The following KIAA0513 variants were observed in gnomAD, a reference collection of about 807,000 sequenced individuals.
KIAA0513 encodes uncharacterized protein KIAA0513.
A neutral mutation model predicts 56.5 loss-of-function variants in KIAA0513; 39 were observed. The observed-to-expected ratio is 0.69, with a 90% CI of 0.53 to 0.90. The LOEUF is 0.90. KIAA0513 is among the 40% of genes least tolerant of loss of function. The pLI is 0.00. For synonymous variants in KIAA0513, 268 were observed against 215.6 expected, an observed-to-expected ratio of 1.24 and a Z score of -2.13; for missense variants, 591 against 535.2, an observed-to-expected ratio of 1.10 and a Z score of -1.03.
Position 85,081,963 on chromosome 16 carries a change from C to T in KIAA0513, c.980+571C>T, listed in dbSNP as rs930987472. On this transcript the variant is annotated intron_variant, in intron 9 of 12. Transcript: ENST00000683363. The surrounding 1 kb of genome is among the most constrained non-coding windows in gnomAD (Gnocchi z 4.4). ...CAAAGCTGCCGTCCACCATGTGCAG[C>T]GACATGACAGCGAGGGACGGCAGCC... 6.6e-6 allele frequency among the ~76,000 whole-genome samples: 1 copy of T among 152,264 alleles called. No homozygotes were observed. The highest frequency in any genetic ancestry group is 2.4e-5 in the African/African-American group (1 of 41,474).
At position 85,071,663 on chromosome 16, in the gene KIAA0513, G is replaced by C. The variant is rs1486336642; in HGVS notation, c.330-120G>C. 4 of 761,920 alleles carry C rather than the reference G, an allele frequency of 5.2e-6. No individual in the cohort carries two copies. The East Asian group carries it at 8.1e-5, about 15-fold the overall frequency. The allele number at this position is 761,920 out of a possible 1,614,324, so 47.2% of individuals were successfully genotyped here. On this transcript the variant is annotated intron_variant, in intron 2 of 12. Transcript: ENST00000683363. ...GGCTGAGATGAGCTGATGGGAGTTG[G>C]GGTCTGTGCTTGGCTGGGGAATATT... is the stretch of plus-strand genomic sequence containing the variant.
At chr16:85,046,096 A>G (rs2073167210) in intron 1 of KIAA0513, among the ~76,000 whole-genome samples, 1 of 152,116 alleles carries the variant, frequency 6.6e-6, no homozygotes, top group Admixed American at 6.5e-5. Flanking sequence ...ACATTGAGGG[A>G]GCTGCTTCGG....
chr16:85,084,857 C>A (rs899070249), intron 10 of KIAA0513, among the ~76,000 whole-genome samples: 1 of 152,208 alleles, frequency 6.6e-6, no homozygotes, highest in Non-Finnish European at 1.5e-5. Flanking sequence ...GCCACCGCAC[C>A]CGGCCTGAAC....
rs2073758794 is a variant in KIAA0513 at position 85,082,579 on chromosome 16, G to T, written c.996G>T (p.Glu332Asp). ...RSPTTRGDAGEEEEKREKWCH... is the reference protein window; with the variant it reads ...RSPTTRGDAGDEEEKREKWCH... ...GCCGCTCCAGAGGGGATGCTGGAGA[G>T]GAGGAGGAGAAGAGGTGTGTGTGTC... The change falls in exon 10 of 13, where the codon GAG becomes GAT. Residue 332 changes from glutamate to aspartate, a missense_variant. Transcript: ENST00000683363. 1 of 1,613,412 alleles carries T rather than the reference G, an allele frequency of 6.2e-7. No homozygotes were observed. The highest frequency in any genetic ancestry group is 8.5e-7 in the Non-Finnish European group (1 of 1,179,508).
chr16:85,082,800 G>C (rs1347317973), intron 10 of KIAA0513, among the ~76,000 whole-genome samples: 2 of 152,232 alleles, frequency 1.3e-5, no homozygotes, highest in Admixed American at 1.3e-4. Context: ...AACTGGGCAG[G>C]TGGGAGCCTG....
chr16:85,075,410 G>A (rs961827827), intron 4 of KIAA0513, among the ~76,000 whole-genome samples: 14 of 152,152 alleles, frequency 9.2e-5, no homozygotes, highest in Admixed American at 8.5e-4. Context: ...ACCCCACTGC[G>A]AATGCTGTGG....
In KIAA0513 at chr16:85,089,053, T is replaced by A. The variant is rs574841309; in HGVS notation, c.*728T>A. The A allele has an allele frequency of 1.3e-5, 2 of 152,200 alleles. No individual in the cohort carries two copies. The highest frequency in any genetic ancestry group is 4.2e-4 in the South Asian group (2 of 4,814). The allele number at this position is 152,200 out of a possible 1,614,324, so 9.4% of individuals were successfully genotyped here. A position where few individuals can be genotyped will look rare whatever the true frequency, so the allele number is the denominator to read the frequency against. ...CCAGAGTCACAGCAGTGCCGAGGTG[T>A]CCGCGGCAGACCACACAGACCGTCT... is the stretch of plus-strand genomic sequence containing the variant. On this transcript the variant is annotated 3_prime_UTR_variant, in exon 13 of 13. Coordinates refer to ENST00000683363, the MANE Select transcript of KIAA0513 (RefSeq NM_001388359.1). The surrounding 1 kb of genome is among the most constrained non-coding windows in gnomAD (Gnocchi z 4.2).
At chr16:85,061,078 G>C (rs1473286858) in intron 1 of KIAA0513, among the ~76,000 whole-genome samples, 2 of 151,702 alleles carry the variant, frequency 1.3e-5, no homozygotes, top group Non-Finnish European at 2.9e-5. Flanking sequence ...GCTTGAACCC[G>C]GGAGGCGGAG....
chr16:85,049,061 G>C (rs1597602566), intron 1 of KIAA0513, among the ~76,000 whole-genome samples: 1 of 152,264 alleles, frequency 6.6e-6, no homozygotes, highest in African/African-American at 2.4e-5. Context: ...CTGTGAGGTT[G>C]CTTTGCACGG....
intron 1 of KIAA0513, among the ~76,000 whole-genome samples, chr16:85,050,916 G>C (rs1486924906): frequency 6.6e-6 from 1 of 152,146 alleles, no homozygotes; most frequent in Non-Finnish European, 1.5e-5. Context: ...AGCACTTCAG[G>C]GAGCCAAGGC....
In KIAA0513 at chr16:85,081,433, G is replaced by A; in HGVS notation, c.980+41G>A. ...GGCCCCATTTGGCCTCAGGAAAAAG[G>A]ACCAGGGAGTGGCTTTATTTCCCGG... On this transcript the variant is annotated intron_variant, in intron 9 of 12. Coordinates refer to ENST00000683363, the MANE Select transcript of KIAA0513 (RefSeq NM_001388359.1). The surrounding 1 kb of genome is among the most constrained non-coding windows in gnomAD (Gnocchi z 4.4). 1 of 1,502,598 alleles carries A rather than the reference G, an allele frequency of 6.7e-7. No homozygotes were observed. Among genetic ancestry groups the A allele is most frequent in the Non-Finnish European group, 9.1e-7 (1 of 1,102,136 alleles). 93.1% of individuals were successfully genotyped at this position (1,502,598 alleles called of 1,614,324 possible).
At chr16:85,072,176 G>T (rs1045347557) in intron 3 of KIAA0513, among the ~76,000 whole-genome samples, 2 of 152,118 alleles carry the variant, frequency 1.3e-5, no homozygotes, top group Non-Finnish European at 2.9e-5. Context: ...AACATAGTGA[G>T]GTCCCCCCTC....
Position 85,078,778 on chromosome 16 carries a change from G to T in KIAA0513, c.824-147G>T, listed in dbSNP as rs1203631364. On this transcript the variant is annotated intron_variant, in intron 7 of 12. Coordinates refer to ENST00000683363, the MANE Select transcript of KIAA0513 (RefSeq NM_001388359.1). ...GGGAATAGCACCGTTACTGGCTATG[G>T]CTAGCAGAAAAGCCACGGTGGGGTT... is the stretch of plus-strand genomic sequence containing the variant. The T allele has an allele frequency of 1.4e-5, 12 of 838,192 alleles. No homozygotes were observed. The African/African-American group carries it at 1.8e-4, about 13-fold the overall frequency. The allele number at this position is 838,192 out of a possible 1,614,324, so 51.9% of individuals were successfully genotyped here.
At chr16:85,053,165 A>G (rs1181599798) in intron 1 of KIAA0513, among the ~76,000 whole-genome samples, 1 of 152,232 alleles carries the variant, frequency 6.6e-6, no homozygotes, top group Admixed American at 6.5e-5. Flanking sequence ...CTGGGATTAC[A>G]GGCGTGAGCC....
At chr16:85,048,369 C>G (rs1029059466) in intron 1 of KIAA0513, among the ~76,000 whole-genome samples, 4 of 152,170 alleles carry the variant, frequency 2.6e-5, no homozygotes, top group Non-Finnish European at 4.4e-5. Flanking sequence ...TTCTAAGAGT[C>G]AAGAGTCTTT....
In KIAA0513 at chr16:85,076,110, G is replaced by C. The variant is rs558043879; in HGVS notation, c.574+196G>C. ...ATGGGGCAGGAGGTTGACTGCCCAGGGTACGAAGGAAACTCTCCTGGGGCA... is the reference window on the plus strand; with the variant it reads ...ATGGGGCAGGAGGTTGACTGCCCAGCGTACGAAGGAAACTCTCCTGGGGCA... On this transcript the variant is annotated intron_variant, in intron 5 of 12. Coordinates refer to ENST00000683363, the MANE Select transcript of KIAA0513 (RefSeq NM_001388359.1). The surrounding 1 kb of genome is among the most constrained non-coding windows in gnomAD (Gnocchi z 4.7). Among the ~76,000 whole-genome samples, 1 of 150,928 alleles carries C rather than the reference G, an allele frequency of 6.6e-6. No homozygotes were observed. The highest frequency in any genetic ancestry group is 1.5e-5 in the Non-Finnish European group (1 of 68,018).
At chr16:85,056,156 G>T (rs2073326052) in intron 1 of KIAA0513, among the ~76,000 whole-genome samples, 1 of 152,264 alleles carries the variant, frequency 6.6e-6, no homozygotes, top group Non-Finnish European at 1.5e-5. Context: ...ATAGCTGGGG[G>T]TTGGTTGCGA....
intron 1 of KIAA0513, among the ~76,000 whole-genome samples, chr16:85,052,668 A>C (rs1376381954): frequency 6.6e-6 from 1 of 152,176 alleles, no homozygotes; most frequent in Non-Finnish European, 1.5e-5. Context: ...GAGGCATGGA[A>C]TTGAACAGAG....
chr16:85,048,550 A>T (rs993471882), intron 1 of KIAA0513, among the ~76,000 whole-genome samples: 3 of 151,946 alleles, frequency 2.0e-5, no homozygotes, highest in African/African-American at 7.3e-5. Flanking sequence ...CAAAAAACAA[A>T]GCTTTTATTG....
Sources: allele counts gnomAD v4.1 joint callset (sites outside exome capture counted in the v4.1 genomes callset), GRCh38; gene constraint gnomAD v4.1.1; non-coding constraint Gnocchi (gnomAD v3.1); transcripts MANE v1.5; gene names NCBI Gene and HGNC (gene_info 2026-07-23, HGNC 2026-07-21).